IGSF22: variants seen among roughly 807,000 people sequenced by gnomAD.
The protein encoded by IGSF22 is immunoglobulin superfamily, member 22.
In IGSF22, 119 loss-of-function variants were observed where a neutral mutation model predicts 127.0. The observed-to-expected ratio is 0.94, with a 90% CI of 0.81 to 1.09. IGSF22 has a LOEUF of 1.09. Among genes scored for constraint, IGSF22 ranks in the 50% least tolerant of loss-of-function variants. IGSF22 has a pLI of 0.00. For missense variants in IGSF22, 1,518 were observed against 1,716.6 expected, an observed-to-expected ratio of 0.88 and a Z score of 2.04; for synonymous variants, 568 against 664.7, an observed-to-expected ratio of 0.85 and a Z score of 2.24.
intron 15 of IGSF22, among the ~76,000 whole-genome samples, chr11:18,711,664 C>T (rs1458060115): frequency 6.6e-6 from 1 of 152,190 alleles, no homozygotes; most frequent in Non-Finnish European, 1.5e-5. Flanking sequence ...TCCCAAAGTG[C>T]TAGGATTACA....
chr11:18,721,516 T>C lies in IGSF22; in HGVS notation c.378+19A>G. 6.2e-7 allele frequency: 1 copy of C among 1,614,178 alleles called. No homozygotes were observed. Among genetic ancestry groups the C allele is most frequent in the Admixed American group, 1.7e-5 (1 of 60,036 alleles). On this transcript the variant is annotated intron_variant, in intron 4 of 22. Transcript: ENST00000513874. ...CCTCTGGCCTTCTCGGTAACTGGACTTGGGCTTGGCCCCCGCACCTTCAGC... is the reference window on the plus strand; with the variant it reads ...CCTCTGGCCTTCTCGGTAACTGGACCTGGGCTTGGCCCCCGCACCTTCAGC...
rs1848224187 is a variant in IGSF22 at position 18,706,138 on chromosome 11, G to A, written c.3589C>T (p.Leu1197=). ...TCGTAGGGCTTGAGCTTGGCGCTCA[G>A]GTCCTGGACTGCGCGGGCGGGGCGG... The part of the protein sequence containing the change: ...WLINKDQIQD[L]SAKLKPYEKK... The change falls in exon 22 of 23, where the codon CTG becomes TTG. Residue 1197 remains leucine, a synonymous_variant. Transcript: ENST00000513874. 1 of 1,537,180 alleles carries A rather than the reference G, an allele frequency of 6.5e-7. No individual in the cohort carries two copies. The highest frequency in any genetic ancestry group is 1.4e-5 in the African/African-American group (1 of 72,904).
chr11:18,720,270 A>G lies in IGSF22; in HGVS notation c.394T>C (p.Ser132Pro). The G allele has an allele frequency of 6.2e-7, 1 of 1,614,056 alleles. No individual in the cohort carries two copies. Among genetic ancestry groups the G allele is most frequent in the South Asian group, 1.1e-5 (1 of 91,080 alleles). ...CACTTATAGTTGTCAGAGTCATCCGAAGTCAGTGGCTCCAGCTGGATCAAA... is the reference window on the plus strand; with the variant it reads ...CACTTATAGTTGTCAGAGTCATCCGGAGTCAGTGGCTCCAGCTGGATCAAA... Reference protein sequence around the residue: ...EHVLKLEPLTSDDSDNYKCIA... With the variant: ...EHVLKLEPLTPDDSDNYKCIA... The change falls in exon 5 of 23, where the codon TCG becomes CCG. Residue 132 changes from serine (S) to proline (P), a missense_variant. By Grantham distance (74) the Ser-to-Pro change is moderately conservative. This residue lies in a region of IGSF22 where 1,456 missense variants were observed against 1,644.9 expected (regional missense o/e 0.89). Coordinates refer to ENST00000513874, the MANE Select transcript of IGSF22 (RefSeq NM_173588.4).
chr11:18,705,328 CAT>C lies in IGSF22; in HGVS notation c.3910+487_3910+488del, dbSNP rs561682945. 7.9e-5 allele frequency: 13 copies of C among 165,294 alleles called. No homozygotes were observed. The South Asian group carries it at 2.0e-3, about 26-fold the overall frequency. The allele number at this position is 165,294 out of a possible 1,614,324, so 10.2% of individuals were successfully genotyped here. On this transcript the variant is annotated intron_variant, in intron 22 of 22. Coordinates refer to ENST00000513874, the MANE Select transcript of IGSF22 (RefSeq NM_173588.4). ...AAATGCTTCCCCCTATGTGTGCACA[CAT>C]GAGTAGAAACATGGCATGCATGTAC...
intron 18 of IGSF22, among the ~76,000 whole-genome samples, 168 bp from the exon 19 acceptor site, chr11:18,708,463 C>G (rs79330718): frequency 6.6e-6 from 1 of 152,186 alleles, no homozygotes; most frequent in African/African-American, 2.4e-5. Context: ...TTTGTTTTCT[C>G]ATCTGTCTCC....
At chr11:18,722,957 G>A (rs1450103410) in intron 2 of IGSF22, among the ~76,000 whole-genome samples, 4 of 152,208 alleles carry the variant, frequency 2.6e-5, no homozygotes, top group East Asian at 1.9e-4. Flanking sequence ...AAACAAAAAA[G>A]TAGCCCTACA....
chr11:18,724,121 C>G lies in IGSF22; in HGVS notation c.109+7G>C, dbSNP rs776119315. ...CCCGATCCCTTCCCTGCCCCCATTCCACTTGCCTCCCACGATCTTGGTTGT... is the reference window on the plus strand; with the variant it reads ...CCCGATCCCTTCCCTGCCCCCATTCGACTTGCCTCCCACGATCTTGGTTGT... On this transcript the variant is annotated splice_region_variant and intron_variant, in intron 2 of 22. Coordinates refer to ENST00000513874, the MANE Select transcript of IGSF22 (RefSeq NM_173588.4). 3.7e-6 allele frequency: 6 copies of G among 1,608,400 alleles called. No individual in the cohort carries two copies. The highest frequency in any genetic ancestry group is 4.3e-6 in the Non-Finnish European group (5 of 1,175,182).
chr11:18,708,916 CTT>C (rs1435214004), intron 18 of IGSF22, among the ~76,000 whole-genome samples: 1 of 152,200 alleles, frequency 6.6e-6, no homozygotes, highest in Non-Finnish European at 1.5e-5. Flanking sequence ...GTTGAGATGT[CTT>C]TTCAGGTTTT....
At chr11:18,725,328 T>A (rs1848635635) in intron 1 of IGSF22, among the ~76,000 whole-genome samples, 1 of 152,186 alleles carries the variant, frequency 6.6e-6, no homozygotes, top group Non-Finnish European at 1.5e-5. Context: ...GGGTTTCATC[T>A]TGTTGGCCAG....
In IGSF22 at chr11:18,710,752, AGG is replaced by A; in HGVS notation, c.2473_2474del (p.Pro825TyrfsTer48). 1.9e-5 allele frequency: 30 copies of A among 1,614,130 alleles called. No homozygotes were observed. Among genetic ancestry groups the A allele is most frequent in the Non-Finnish European group, 2.4e-5 (28 of 1,179,982 alleles). On this transcript the variant is annotated frameshift_variant, in exon 16 of 23. Transcript: ENST00000513874. LOFTEE classifies it high-confidence loss of function. ...KEAVTITWNAPTQDGGAPVLG... is the reference protein window; with the variant it reads ...KEAVTITWNAXTQDGGAPVLG... ...GCACTGGGGCTCCCCCATCCTGGGT[AGG>A]GGCATTCCACGTGATGGTCACGGCT...
Position 18,710,351 on chromosome 11 carries a change from A to G in IGSF22, c.2677T>C (p.Ser893Pro). 1 of 1,614,174 alleles carries G rather than the reference A, an allele frequency of 6.2e-7. No homozygotes were observed. Among genetic ancestry groups the G allele is most frequent in the Non-Finnish European group, 8.5e-7 (1 of 1,180,022 alleles). ...CTAACAGGATCCTTGGCCACTACTG[A>G]GCTGGATGGCACACTGGGCTGTCCA... ...GPGQPSVPSS[S>P]VVAKDPVKPP... The change falls in exon 17 of 23, where the codon TCA becomes CCA. Residue 893 changes from serine (S) to proline (P), a missense_variant. Around this residue, in one of 3 missense-constraint regions of IGSF22, gnomAD observed 1,456 missense variants for 1,644.9 expected, o/e 0.89. Coordinates refer to ENST00000513874, the MANE Select transcript of IGSF22 (RefSeq NM_173588.4).
chr11:18,711,966 G>A, intron 15 of IGSF22, 116 bp downstream of exon 15: 2 of 887,318 alleles, frequency 2.3e-6, no homozygotes, highest in Non-Finnish European at 3.4e-6. Flanking sequence ...TCTGTCTCAT[G>A]AGACAGCCAG....
chr11:18,719,629 T>C, intron 7 of IGSF22, 87 bp downstream of exon 7: 1 of 1,367,676 alleles, frequency 7.3e-7, no homozygotes, highest in Non-Finnish European at 1.0e-6. Context: ...TGGGGAGACC[T>C]TCTTGCTGAG....
Position 18,716,884 on chromosome 11 carries a change from CA to C in IGSF22, c.1089del (p.Asn363LysfsTer5). On this transcript the variant is annotated frameshift_variant, in exon 10 of 23. Transcript: ENST00000513874. LOFTEE classifies it high-confidence loss of function. This position sits in a 1 kb window ranked among gnomAD's most constrained non-coding sequence, Gnocchi z 4.5. ...KKEPNFVWKF[N>X]GKELKRDDKY... Reference sequence around the variant, plus strand: ...TTGTCATCCCTCTTCAGCTCCTTCCCATTGAACTTCCACACAAAGTTGGGCT... The same window carrying C: ...TTGTCATCCCTCTTCAGCTCCTTCCCTTGAACTTCCACACAAAGTTGGGCT... 2.5e-6 allele frequency: 4 copies of C among 1,614,210 alleles called. No individual in the cohort carries two copies. Among genetic ancestry groups the C allele is most frequent in the Non-Finnish European group, 3.4e-6 (4 of 1,180,036 alleles).
Position 18,721,609 on chromosome 11 carries a change from T to G in IGSF22, c.304A>C (p.Arg102=). 5.6e-6 allele frequency: 9 copies of G among 1,614,242 alleles called. No homozygotes were observed. Among genetic ancestry groups the G allele is most frequent in the Non-Finnish European group, 7.6e-6 (9 of 1,180,030 alleles). Residue 102 remains arginine (R), a synonymous_variant, in exon 4 of 23, where the codon AGG becomes CGG. Coordinates refer to ENST00000513874, the MANE Select transcript of IGSF22 (RefSeq NM_173588.4). Reference sequence around the variant, plus strand: ...TCCTTGATGGGGATGCCGCTCTCCCTCTTCCAGGAGATGTGGGGTTTGGCG... The same window carrying G: ...TCCTTGATGGGGATGCCGCTCTCCCGCTTCCAGGAGATGTGGGGTTTGGCG... The part of the protein sequence containing the change: ...GNAKPHISWK[R]ESGIPIKESA...
rs1043549168 is a variant in IGSF22, at chr11:18,715,799, C to T, written c.1247-83G>A. The T allele has an allele frequency of 1.2e-5, 17 of 1,437,032 alleles. No homozygotes were observed. The Admixed American group carries it at 3.2e-4, about 27-fold the overall frequency. 89.0% of individuals were successfully genotyped at this position (1,437,032 alleles called of 1,614,324 possible). A position where few individuals can be genotyped will look rare whatever the true frequency, so the allele number is the denominator to read the frequency against. On this transcript the variant is annotated intron_variant, in intron 10 of 22. Coordinates refer to ENST00000513874, the MANE Select transcript of IGSF22 (RefSeq NM_173588.4). ...CTATAGAGCCAAAAGCCCTGTCCCT[C>T]TTTCTGTCCCCAGAAAACACAAGAA...
At position 18,714,109 on chromosome 11, in the gene IGSF22, G is replaced by T; in HGVS notation, c.1838C>A (p.Ala613Asp). 6.2e-7 allele frequency: 1 copy of T among 1,614,196 alleles called. No individual in the cohort carries two copies. Among genetic ancestry groups the T allele is most frequent in the Non-Finnish European group, 8.5e-7 (1 of 1,180,002 alleles). Residue 613 changes from alanine (A) to aspartate (D), a missense_variant, in exon 14 of 23, where the codon GCT becomes GAT. Ala to Asp is a moderately radical substitution (Grantham distance 126). Coordinates refer to ENST00000513874, the MANE Select transcript of IGSF22 (RefSeq NM_173588.4). ...TIDPSVLEAL[A>D]AHAITVKVGH... ...TACCTTCACAGTGATGGCGTGCGCA[G>T]CCAGTGCCTCCAGTACTGACGGGTC...
Position 18,707,981 on chromosome 11 carries a change from C to T in IGSF22, c.3103G>A (p.Asp1035Asn), listed in dbSNP as rs765200599. Residue 1035 changes from aspartate (D) to asparagine (N), a missense_variant, in exon 20 of 23, where the codon GAC becomes AAC. By Grantham distance (23) the Asp-to-Asn change is conservative. Around this residue, in one of 3 missense-constraint regions of IGSF22, gnomAD observed 1,456 missense variants for 1,644.9 expected, o/e 0.89. Transcript: ENST00000513874. The stretch of plus-strand genomic sequence containing the variant: ...ACGCCATCTTTCTGCCAGATCACGT[C>T]AGGTGGTGGTGAGCCCTGAGTAGTG... ...HAAFSGSPPP[D>N]VIWQKDGVPT... is the part of the protein sequence containing the mutation. 4 of 1,614,072 alleles carry T rather than the reference C, an allele frequency of 2.5e-6. No individual in the cohort carries two copies. The Admixed American group carries it at 6.7e-5, about 27-fold the overall frequency.
intron 22 of IGSF22, 193 bp downstream of exon 22, chr11:18,705,624 G>A (rs940651072): frequency 1.7e-6 from 1 of 601,390 alleles, no homozygotes. Context: ...ATGTCTGCAG[G>A]GGCCAGGCAT....
Sources: gnomAD v4.1 joint callset for allele counts (sites outside exome capture counted in the v4.1 genomes callset) on GRCh38, gnomAD v4.1.1 for gene constraint, gnomAD v4.1.1 regional missense constraint, Gnocchi (gnomAD v3.1) non-coding constraint, MANE v1.5 for transcripts, NCBI Gene and HGNC (gene_info 2026-07-23, HGNC 2026-07-21) for gene names.